TIAM2: variants seen among roughly 807,000 people sequenced by gnomAD.
The protein encoded by TIAM2 is TIAM Rac1 associated GEF 2.
Under a neutral mutation model 152.9 loss-of-function variants are expected in TIAM2, and 80 were observed. That is an observed-to-expected ratio of 0.52 (90% confidence interval 0.44 to 0.63). The LOEUF is 0.63. Among genes scored for constraint, TIAM2 ranks in the 30% least tolerant of loss-of-function variants. The pLI is 0.00. For synonymous variants in TIAM2, 804 were observed against 838.0 expected (o/e 0.96, Z 0.70); for missense variants, 1,965 against 2,120.1 (o/e 0.93, Z 1.44).
intron 1 of TIAM2, among the ~76,000 whole-genome samples, chr6:155,083,546 T>C (rs1053522409): frequency 2.0e-5 from 3 of 152,172 alleles, no homozygotes; most frequent in Non-Finnish European, 4.4e-5. Flanking sequence ...GCCATAAACA[T>C]GGTGCATGTT....
intron 1 of TIAM2, among the ~76,000 whole-genome samples, chr6:155,017,680 T>C (rs1005399565): frequency 6.6e-6 from 1 of 151,948 alleles, no homozygotes; most frequent in South Asian, 2.1e-4. Flanking sequence ...ATTTTTTGTA[T>C]TTTTTGTAGA....
intron 1 of TIAM2, among the ~76,000 whole-genome samples, chr6:155,054,907 T>A (rs148375219): frequency 2.6e-4 from 40 of 152,314 alleles, no homozygotes; most frequent in African/African-American, 8.4e-4. Flanking sequence ...AAGTCTATGA[T>A]TGAATTACGG....
chr6:155,102,794 TGTGTGTGTG>T (rs1185142892), intron 2 of TIAM2, among the ~76,000 whole-genome samples: 5 of 151,814 alleles, frequency 3.3e-5, no homozygotes, highest in Non-Finnish European at 1.5e-5. Context: ...TGTGTGTGTG[TGTGTGTGTG>T]TGTGTGTATA....
chr6:155,073,247 C>T (rs1429905167), intron 1 of TIAM2, among the ~76,000 whole-genome samples: 2 of 150,604 alleles, frequency 1.3e-5, no homozygotes, highest in Non-Finnish European at 2.9e-5. Context: ...ACTGCAACCT[C>T]CACCTCCCGG....
chr6:155,251,868 T>TA lies in TIAM2; in HGVS notation c.4061-75dup. On this transcript the variant is annotated intron_variant, in intron 22 of 26. Transcript: ENST00000682666. ...ATACGTTTGGAGAGTGTTACTCTGT[T>TA]AAGACGTTCAGCTCTAGTTTAACCT... The TA allele has an allele frequency of 1.4e-5, 16 of 1,151,804 alleles. No individual in the cohort carries two copies. In the South Asian group the frequency reaches 2.0e-4, roughly 15 times the overall value. The allele number at this position is 1,151,804 out of a possible 1,614,324, so 71.3% of individuals were successfully genotyped here.
At chr6:155,225,475 T>C (rs1782210415) in intron 15 of TIAM2, among the ~76,000 whole-genome samples, 1 of 152,192 alleles carries the variant, frequency 6.6e-6, no homozygotes, top group Admixed American at 6.5e-5. Flanking sequence ...AGGTAACTTC[T>C]AAGTGTGGGG....
intron 1 of TIAM2, among the ~76,000 whole-genome samples, chr6:155,059,016 TGGAAAG>T: frequency 1.3e-5 from 2 of 152,244 alleles, no homozygotes; most frequent in Admixed American, 1.3e-4. Context: ...CTATGCAACA[TGGAAAG>T]GGAGAAGATG....
chr6:155,001,897 A>G (rs567984841), intron 1 of TIAM2, among the ~76,000 whole-genome samples: 5 of 152,326 alleles, frequency 3.3e-5, no homozygotes, highest in Admixed American at 1.3e-4. Flanking sequence ...TAAGCTTGCA[A>G]ATCTTTCCTT....
chr6:155,081,109 A>G (rs1418870127), intron 1 of TIAM2, among the ~76,000 whole-genome samples: 2 of 152,224 alleles, frequency 1.3e-5, no homozygotes, highest in African/African-American at 4.8e-5. Context: ...AAAGTGTGAC[A>G]GCTTTGAAAA....
chr6:155,159,889 C>T (rs988794), intron 7 of TIAM2, among the ~76,000 whole-genome samples: 70,780 of 151,890 alleles, frequency 0.47, 16,972 homozygotes, highest in East Asian at 0.55. Flanking sequence ...GGAATAGATA[C>T]GTGAGTAAAG....
intron 4 of TIAM2, among the ~76,000 whole-genome samples, chr6:155,131,802 C>G (rs1325334831): frequency 6.6e-6 from 1 of 152,076 alleles, no homozygotes; most frequent in African/African-American, 2.4e-5. Context: ...TGGTCTGGAA[C>G]TCCTGACCTC....
At chr6:155,169,372 G>T (rs1285233489) in intron 9 of TIAM2, among the ~76,000 whole-genome samples, 1 of 152,164 alleles carries the variant, frequency 6.6e-6, no homozygotes, top group Non-Finnish European at 1.5e-5. Flanking sequence ...TAATTAAAAT[G>T]GTCCCAGTAG....
chr6:155,193,662 T>C (rs1033215701), intron 14 of TIAM2, among the ~76,000 whole-genome samples: 2 of 152,188 alleles, frequency 1.3e-5, no homozygotes, highest in African/African-American at 2.4e-5. Context: ...AATGCTACGA[T>C]TGTGCTTGGG....
At chr6:155,220,038 G>A (rs1007835913) in intron 15 of TIAM2, among the ~76,000 whole-genome samples, 51 of 152,340 alleles carry the variant, frequency 3.3e-4, no homozygotes, top group African/African-American at 1.2e-3. Flanking sequence ...GACCTTTCTC[G>A]CCATTTCTTG....
intron 10 of TIAM2, among the ~76,000 whole-genome samples, chr6:155,177,699 C>T (rs1285437848): frequency 1.3e-5 from 2 of 151,990 alleles, no homozygotes; most frequent in African/African-American, 4.8e-5. Context: ...AATTTTAGTC[C>T]CCCTTTTTCA....
chr6:155,033,184 C>T (rs573788325), intron 1 of TIAM2, among the ~76,000 whole-genome samples: 36 of 152,282 alleles, frequency 2.4e-4, no homozygotes, highest in South Asian at 1.2e-3. Flanking sequence ...GCAGCCATGA[C>T]GGCCCCAGGC....
At chr6:155,145,995 AAAAC>A (rs1280704469) in intron 6 of TIAM2, among the ~76,000 whole-genome samples, 1 of 152,226 alleles carries the variant, frequency 6.6e-6, no homozygotes. Context: ...GGAAGGTAAA[AAAAC>A]AAACAACAAC....
At chr6:155,144,188 G>C (rs1204409817) in intron 5 of TIAM2, among the ~76,000 whole-genome samples, 2 of 152,110 alleles carry the variant, frequency 1.3e-5, no homozygotes, top group African/African-American at 4.8e-5. Flanking sequence ...GTGATTCTGT[G>C]TTCTCTTCCT....
intron 13 of TIAM2, 25 bp downstream of exon 13, chr6:155,182,343 G>A (rs1248461302): frequency 6.3e-7 from 1 of 1,575,402 alleles, no homozygotes. Flanking sequence ...CCGTGCCCCT[G>A]TTGCCTCTTA....
Sources: gnomAD v4.1 joint callset for allele counts (sites outside exome capture counted in the v4.1 genomes callset) on GRCh38, gnomAD v4.1.1 for gene constraint, MANE v1.5 for transcripts, NCBI Gene and HGNC (gene_info 2026-07-23, HGNC 2026-07-21) for gene names.